PTK2: variants seen among roughly 807,000 people sequenced by gnomAD.
The protein encoded by PTK2 is protein tyrosine kinase 2.
In PTK2, 45 loss-of-function variants were observed where a neutral mutation model predicts 150.1. The ratio of observed to expected loss-of-function variants is 0.30; its 90% CI spans 0.24 to 0.38. The LOEUF (loss-of-function observed/expected upper bound fraction) is 0.38. PTK2 is among the 10% of genes least tolerant of loss of function. The pLI is 1.00. For synonymous variants in PTK2, 432 were observed against 449.2 expected, an observed-to-expected ratio of 0.96 and a Z score of 0.48; for missense variants, 919 against 1,307.3, an observed-to-expected ratio of 0.70 and a Z score of 4.58.
chr8:140,740,600 T>A (rs1278642491), intron 20 of PTK2, among the ~76,000 whole-genome samples: 1 of 152,212 alleles, frequency 6.6e-6, no homozygotes, highest in African/African-American at 2.4e-5. Flanking sequence ...TGAGAAGATA[T>A]CTGTGTGAAT....
intron 5 of PTK2, among the ~76,000 whole-genome samples, chr8:140,853,764 C>T (rs1180348215): frequency 6.6e-6 from 1 of 152,062 alleles, no homozygotes; most frequent in African/African-American, 2.4e-5. Context: ...ATCTTCAAAC[C>T]ACAGAAAATA....
intron 10 of PTK2, among the ~76,000 whole-genome samples, chr8:140,814,293 A>AG (rs2100103399): frequency 6.6e-6 from 1 of 152,240 alleles, no homozygotes; most frequent in Non-Finnish European, 1.5e-5. Context: ...ACTCCTCTCT[A>AG]ACTCATTCTA....
In PTK2 at chr8:140,981,509, TTTG is replaced by T. The variant is rs375500844; in HGVS notation, c.-122+19613_-122+19615del. ...GGGCAGGAGGTACCTAGGAGTTTGC[TTTG>T]TTATCACCCTCTACACGAGAACAGC... On this transcript the variant is annotated intron_variant, in intron 1 of 31. Transcript: ENST00000522684. 3.0e-4 allele frequency among the ~76,000 whole-genome samples: 46 copies of T among 152,316 alleles called. 2 individuals carry two copies. The highest frequency in any genetic ancestry group is 1.1e-3 in the African/African-American group (45 of 41,568).
At chr8:140,988,366 T>G (rs183928672) in intron 1 of PTK2, among the ~76,000 whole-genome samples, 1 of 152,134 alleles carries the variant, frequency 6.6e-6, no homozygotes, top group African/African-American at 2.4e-5. Flanking sequence ...TAAGACTTAT[T>G]ATAAAGCTAT....
Position 140,843,928 on chromosome 8 carries a change from A to G in PTK2, c.593+2332T>C, listed in dbSNP as rs117999302. ...TATCATTTTTCTGTTCCAACATCATATGGAGGACACCACATTACCTGTAAT... is the reference window on the plus strand; with the variant it reads ...TATCATTTTTCTGTTCCAACATCATGTGGAGGACACCACATTACCTGTAAT... On this transcript the variant is annotated intron_variant, in intron 7 of 31. Coordinates refer to ENST00000522684, the Ensembl canonical transcript of PTK2. Among the ~76,000 whole-genome samples, 16 of 151,892 alleles carry G rather than the reference A, an allele frequency of 1.1e-4. No homozygotes were observed. The East Asian group carries it at 2.9e-3, about 27-fold the overall frequency.
chr8:140,868,997 T>C (rs900464534), intron 4 of PTK2, among the ~76,000 whole-genome samples: 12 of 152,298 alleles, frequency 7.9e-5, no homozygotes, highest in Non-Finnish European at 1.3e-4. Context: ...GGAAACTGGC[T>C]GAAGGGTACA....
rs533089786 is a variant in PTK2 at position 140,679,003 on chromosome 8, G to GTTTTTTT, written c.2563-3511_2563-3505dup. 4.3e-4 allele frequency among the ~76,000 whole-genome samples: 30 copies of GTTTTTTT among 69,004 alleles called. 3 individuals are homozygous for GTTTTTTT. Among genetic ancestry groups the GTTTTTTT allele is most frequent in the East Asian group, 1.9e-3 (4 of 2,156 alleles). The allele number at this position is 69,004 out of a possible 152,430, so 45.3% of individuals were successfully genotyped here. ...TCACGGCCAGCTGAGTGCTCCCCAT[G>GTTTTTTT]TTTTTTTTTTTTTTTTTTTTTTTTT... is the stretch of plus-strand genomic sequence containing the variant. On this transcript the variant is annotated intron_variant, in intron 27 of 31. Transcript: ENST00000522684.
chr8:140,908,076 G>A (rs571490693), intron 2 of PTK2, among the ~76,000 whole-genome samples: 1 of 152,330 alleles, frequency 6.6e-6, no homozygotes, highest in Non-Finnish European at 1.5e-5. Flanking sequence ...AAGCCAAGTT[G>A]TGAATGCAAA....
At chr8:140,979,770 TA>T (rs1186336795) in intron 1 of PTK2, among the ~76,000 whole-genome samples, 2 of 152,172 alleles carry the variant, frequency 1.3e-5, no homozygotes, top group Non-Finnish European at 2.9e-5. Context: ...GATGGTTTTA[TA>T]AGGGGGAGTT....
At chr8:140,976,444 A>T (rs191964166) in intron 1 of PTK2, among the ~76,000 whole-genome samples, 12 of 152,396 alleles carry the variant, frequency 7.9e-5, no homozygotes, top group African/African-American at 2.9e-4. Flanking sequence ...CAGAATAACC[A>T]CAAGCTAAAA....
intron 29 of PTK2, among the ~76,000 whole-genome samples, chr8:140,670,484 CA>C (rs1015914053): frequency 3.2e-4 from 4 of 12,620 alleles, no homozygotes; most frequent in African/African-American, 7.9e-4. Context: ...AAAAAAAAAA[CA>C]ACAACACACA....
chr8:140,785,035 A>G (rs1349138641), intron 14 of PTK2, among the ~76,000 whole-genome samples: 2 of 152,214 alleles, frequency 1.3e-5, no homozygotes, highest in East Asian at 3.8e-4. Flanking sequence ...AAACTGTCCT[A>G]AAGTTATCTA....
chr8:140,870,430 G>A (rs1428001392), intron 4 of PTK2, among the ~76,000 whole-genome samples: 3 of 152,194 alleles, frequency 2.0e-5, no homozygotes, highest in Non-Finnish European at 4.4e-5. Flanking sequence ...AAACAAGTGA[G>A]CTAAGTGCTC....
chr8:140,866,952 G>T (rs1300752980), intron 4 of PTK2, among the ~76,000 whole-genome samples: 8 of 152,184 alleles, frequency 5.3e-5, no homozygotes, highest in African/African-American at 1.9e-4. Context: ...TAAAGGAGAT[G>T]AGGAAGGGAG....
At chr8:140,815,236 G>T (rs1374601610) in intron 10 of PTK2, among the ~76,000 whole-genome samples, 2 of 149,652 alleles carry the variant, frequency 1.3e-5, no homozygotes, top group African/African-American at 4.9e-5. Context: ...AAAAAAAAAA[G>T]AATGAGATCA....
intron 1 of PTK2, among the ~76,000 whole-genome samples, chr8:140,990,990 A>G (rs1176389875): frequency 2.0e-5 from 3 of 152,166 alleles, no homozygotes; most frequent in African/African-American, 7.2e-5. Flanking sequence ...AAAGATACCT[A>G]ACAGATAATA....
chr8:140,700,101 G>A (rs2100029345), intron 26 of PTK2, among the ~76,000 whole-genome samples: 1 of 152,186 alleles, frequency 6.6e-6, no homozygotes, highest in South Asian at 2.1e-4. Flanking sequence ...ACTCTGGGAT[G>A]CTATTAGAGT....
At chr8:140,781,048 A>G (rs540028013) in intron 14 of PTK2, among the ~76,000 whole-genome samples, 1 of 152,216 alleles carries the variant, frequency 6.6e-6, no homozygotes, top group Non-Finnish European at 1.5e-5. Flanking sequence ...TTGTAAAGGC[A>G]TCAAAAATAT....
At chr8:140,838,839 T>C (rs1298879828) in intron 7 of PTK2, among the ~76,000 whole-genome samples, 1 of 151,934 alleles carries the variant, frequency 6.6e-6, no homozygotes, top group Non-Finnish European at 1.5e-5. Context: ...ATCCCGTCTC[T>C]ACTAAAAATA....
Sources: allele counts gnomAD v4.1 joint callset (sites outside exome capture counted in the v4.1 genomes callset), GRCh38; gene constraint gnomAD v4.1.1; transcripts MANE v1.5; gene names NCBI Gene and HGNC (gene_info 2026-07-23, HGNC 2026-07-21).